The following ST6GALNAC5 variants were observed in gnomAD, a reference collection of about 807,000 sequenced individuals.
ST6GALNAC5 encodes ST6 N-acetylgalactosaminide alpha-2,6-sialyltransferase 5, also known as alpha-N-acetylgalactosaminide alpha-2,6-sialyltransferase 5.
A neutral mutation model predicts 33.6 loss-of-function variants in ST6GALNAC5; 27 were observed. The observed-to-expected ratio is 0.80, with a 90% confidence interval of 0.59 to 1.11. The LOEUF (loss-of-function observed/expected upper bound fraction) is 1.11. Ranked by LOEUF, ST6GALNAC5 falls within the 50% of genes least tolerant of loss-of-function variation. The pLI is 0.00. For synonymous variants in ST6GALNAC5, 194 were observed against 171.2 expected (o/e 1.13, Z -1.04); for missense variants, 428 against 454.0 (o/e 0.94, Z 0.52).
chr1:76,962,257 T>G (rs1039174570), intron 2 of ST6GALNAC5, among the ~76,000 whole-genome samples: 2 of 152,178 alleles, frequency 1.3e-5, no homozygotes, highest in African/African-American at 4.8e-5. Context: ...TGTCTGAAAG[T>G]AGTGTTCATT....
intron 2 of ST6GALNAC5, among the ~76,000 whole-genome samples, chr1:76,896,150 T>C (rs549589385): frequency 6.6e-6 from 1 of 152,298 alleles, no homozygotes; most frequent in Admixed American, 6.5e-5. Flanking sequence ...AAGGCTAAAC[T>C]GAGGAATTGT....
intron 2 of ST6GALNAC5, among the ~76,000 whole-genome samples, chr1:76,973,783 G>A (rs1284612396): frequency 6.6e-6 from 1 of 152,088 alleles, no homozygotes; most frequent in Non-Finnish European, 1.5e-5. Context: ...TGTGTAACCA[G>A]ACTCAATTGT....
At chr1:76,895,824 C>T (rs1373552800) in intron 2 of ST6GALNAC5, among the ~76,000 whole-genome samples, 8 of 151,660 alleles carry the variant, frequency 5.3e-5, no homozygotes, top group African/African-American at 1.5e-4. Context: ...GTTGGTCTGG[C>T]GTCTGGAATG....
intron 2 of ST6GALNAC5, among the ~76,000 whole-genome samples, chr1:77,014,461 T>TC (rs1005476445): frequency 6.6e-6 from 1 of 151,764 alleles, no homozygotes; most frequent in South Asian, 2.1e-4. Context: ...AAAAGGAAGG[T>TC]CCCCCCACCC....
intron 2 of ST6GALNAC5, among the ~76,000 whole-genome samples, chr1:76,922,322 G>C (rs938835122): frequency 2.6e-5 from 4 of 152,086 alleles, no homozygotes; most frequent in Non-Finnish European, 5.9e-5. Context: ...TACAGAATCT[G>C]TCTGTGAAAA....
chr1:76,945,170 G>T (rs904426419), intron 2 of ST6GALNAC5, among the ~76,000 whole-genome samples: 1 of 151,968 alleles, frequency 6.6e-6, no homozygotes, highest in African/African-American at 2.4e-5. Flanking sequence ...CTAACAAAAG[G>T]CATCTAGAGG....
intron 2 of ST6GALNAC5, among the ~76,000 whole-genome samples, chr1:76,951,259 A>C (rs1193255951): frequency 2.0e-5 from 3 of 152,176 alleles, no homozygotes; most frequent in Non-Finnish European, 4.4e-5. Flanking sequence ...CACTTTAAAG[A>C]GGAGCAGAGC....
intron 2 of ST6GALNAC5, among the ~76,000 whole-genome samples, chr1:76,992,378 C>T (rs765304576): frequency 1.3e-5 from 2 of 152,190 alleles, no homozygotes; most frequent in Non-Finnish European, 2.9e-5. Context: ...GTGTCTTCCT[C>T]CTATAGCACC....
chr1:76,944,210 A>G (rs1342424594), intron 2 of ST6GALNAC5, among the ~76,000 whole-genome samples: 5 of 152,148 alleles, frequency 3.3e-5, no homozygotes, highest in Non-Finnish European at 5.9e-5. Flanking sequence ...AACTGGCAAC[A>G]ATTCCTTTGG....
chr1:76,898,170 G>A (rs895887365), intron 2 of ST6GALNAC5, among the ~76,000 whole-genome samples: 5 of 152,184 alleles, frequency 3.3e-5, no homozygotes, highest in South Asian at 2.1e-4. Context: ...GATGGGATAC[G>A]GCTTAGGAGG....
At chr1:76,976,999 A>T (rs377367835) in intron 2 of ST6GALNAC5, among the ~76,000 whole-genome samples, 1 of 152,198 alleles carries the variant, frequency 6.6e-6, no homozygotes, top group African/African-American at 2.4e-5. Flanking sequence ...CATTTGTAGC[A>T]TGTTGCCAGT....
chr1:77,025,995 TAGG>T (rs1163207095), intron 2 of ST6GALNAC5, among the ~76,000 whole-genome samples: 1 of 152,186 alleles, frequency 6.6e-6, no homozygotes, highest in Non-Finnish European at 1.5e-5. Context: ...GATTTTCTCT[TAGG>T]AGGCAGCACC....
intron 2 of ST6GALNAC5, among the ~76,000 whole-genome samples, chr1:76,980,692 C>T (rs962058364): frequency 1.3e-5 from 2 of 152,246 alleles, no homozygotes; most frequent in African/African-American, 2.4e-5. Context: ...AATGGAACCA[C>T]CTTTCCACTC....
At chr1:76,901,167 C>A (rs1209321610) in intron 2 of ST6GALNAC5, among the ~76,000 whole-genome samples, 1 of 152,206 alleles carries the variant, frequency 6.6e-6, no homozygotes, top group Non-Finnish European at 1.5e-5. Flanking sequence ...TTATACACAT[C>A]AACACAGGGC....
At chr1:76,954,348 T>C (rs1340345103) in intron 2 of ST6GALNAC5, among the ~76,000 whole-genome samples, 2 of 151,968 alleles carry the variant, frequency 1.3e-5, no homozygotes, top group African/African-American at 4.8e-5. Context: ...TGGACACATG[T>C]GGGAGAACAA....
Position 77,063,498 on chromosome 1 carries a change from T to C in ST6GALNAC5, c.*292T>C, listed in dbSNP as rs1222139754. The C allele has an allele frequency of 5.1e-6, 2 of 390,288 alleles. No homozygotes were observed. The highest frequency in any genetic ancestry group is 9.5e-5 in the East Asian group (2 of 21,154). The allele number at this position is 390,288 out of a possible 1,614,324, so 24.2% of individuals were successfully genotyped here. ...ACTAAAAACAGTTTGGATCTCTTAG[T>C]ATTGCCTTTGAAACTGCAACATAAG... On this transcript the variant is annotated 3_prime_UTR_variant, in exon 5 of 5. Coordinates refer to ENST00000477717, the MANE Select transcript of ST6GALNAC5 (RefSeq NM_030965.3).
chr1:77,046,838 GT>G (rs1399145117), intron 3 of ST6GALNAC5, among the ~76,000 whole-genome samples: 14 of 152,114 alleles, frequency 9.2e-5, no homozygotes, highest in African/African-American at 3.4e-4. Flanking sequence ...CTGCCGCAAT[GT>G]TAGCTATTTA....
intron 3 of ST6GALNAC5, among the ~76,000 whole-genome samples, chr1:77,045,332 G>A (rs1651971913): frequency 6.6e-6 from 1 of 152,200 alleles, no homozygotes; most frequent in Non-Finnish European, 1.5e-5. Context: ...AGTAAGTTAG[G>A]TAAGGTATTG....
At chr1:76,927,881 G>A (rs568826103) in intron 2 of ST6GALNAC5, among the ~76,000 whole-genome samples, 3 of 152,260 alleles carry the variant, frequency 2.0e-5, no homozygotes, top group Non-Finnish European at 4.4e-5. Context: ...TCACAAATCT[G>A]TTAAAGTCAT....
Sources: allele counts gnomAD v4.1 joint callset (sites outside exome capture counted in the v4.1 genomes callset), GRCh38; gene constraint gnomAD v4.1.1; transcripts MANE v1.5; gene names NCBI Gene and HGNC (gene_info 2026-07-23, HGNC 2026-07-21).